Variants in ACP3 observed in about 807,000 individuals in gnomAD.
ACP3 encodes the protein prostatic acid phosphatase.
Under a neutral mutation model 45.6 loss-of-function variants are expected in ACP3, and 38 were observed. That is an observed-to-expected ratio of 0.83 (90% CI 0.64 to 1.09). The LOEUF (loss-of-function observed/expected upper bound fraction) is 1.09. Among genes scored for constraint, ACP3 ranks in the 50% least tolerant of loss-of-function variants. The pLI, the probability that ACP3 is intolerant of heterozygous loss-of-function variation, is 0.00. For missense variants in ACP3, 466 were observed against 463.2 expected (o/e 1.01, Z -0.05); for synonymous variants, 162 against 164.7 (o/e 0.98, Z 0.13).
chr3:132,354,696 C>T (rs7619407), intron 9 of ACP3, among the ~76,000 whole-genome samples: 1,633 of 152,040 alleles, frequency 0.011, 31 homozygotes, highest in African/African-American at 0.036. Context: ...ATCTTAAATA[C>T]GTAAACTTTT....
rs1937925915 is a variant in ACP3 at position 132,357,137 on chromosome 3, A to G, written c.*259A>G. 1.7e-6 allele frequency: 2 copies of G among 1,175,708 alleles called. No individual in the cohort carries two copies. Among genetic ancestry groups the G allele is most frequent in the Non-Finnish European group, 1.1e-6 (1 of 947,196 alleles). 72.8% of individuals were successfully genotyped at this position (1,175,708 alleles called of 1,614,324 possible). A position where few individuals can be genotyped will look rare whatever the true frequency, so the allele number is the denominator to read the frequency against. ...GGCAGCAGTGCCAAAATATAATCAG[A>G]GATAAAGCTTAGGTCAAAGTTCATA... On this transcript the variant is annotated 3_prime_UTR_variant, in exon 10 of 10. Coordinates refer to ENST00000336375, the MANE Select transcript of ACP3 (RefSeq NM_001099.5).
rs781004401 is a variant in ACP3, at chr3:132,356,653, A to C, written c.969-33A>C. 1.9e-6 allele frequency: 3 copies of C among 1,612,564 alleles called. 1 individual carries two copies. In the South Asian group the frequency reaches 3.3e-5, roughly 18 times the overall value. On this transcript the variant is annotated intron_variant, in intron 9 of 9. Coordinates refer to ENST00000336375, the MANE Select transcript of ACP3 (RefSeq NM_001099.5). ...AGTGGCAGTTCAACAACACAGAACTAACAGAGCTCTCTCCTCTGCCTTTGT... is the reference window on the plus strand; with the variant it reads ...AGTGGCAGTTCAACAACACAGAACTCACAGAGCTCTCTCCTCTGCCTTTGT...
In ACP3 at chr3:132,356,835, T is replaced by C. The variant is rs760650057; in HGVS notation, c.1118T>C (p.Met373Thr). Residue 373 changes from methionine to threonine, a missense_variant, in exon 10 of 10, where the codon ATG (methionine) becomes ACG (threonine). Coordinates refer to ENST00000336375, the MANE Select transcript of ACP3 (RefSeq NM_001099.5). The stretch of plus-strand genomic sequence containing the variant: ...CCTCAAGACTGGTCCACGGAGTGTA[T>C]GACCACAAACAGCCATCAAGGTACT... ...VIPQDWSTEC[M>T]TTNSHQGTED... 8.7e-6 allele frequency: 14 copies of C among 1,614,032 alleles called. No homozygotes were observed. The South Asian group carries it at 8.8e-5, about 10-fold the overall frequency.
chr3:132,347,489 T>C (rs1937622727), intron 7 of ACP3, among the ~76,000 whole-genome samples: 1 of 152,140 alleles, frequency 6.6e-6, no homozygotes, highest in Admixed American at 6.6e-5. Flanking sequence ...TGTTTTTGTG[T>C]CTGTTTTTGA....
chr3:132,325,447 C>T (rs1215975961), intron 1 of ACP3, among the ~76,000 whole-genome samples: 2 of 152,198 alleles, frequency 1.3e-5, no homozygotes, highest in Non-Finnish European at 2.9e-5. Flanking sequence ...TCAAAACACT[C>T]TGCTAAGGTG....
At position 132,357,763 on chromosome 3, in the gene ACP3, G is replaced by T. The variant is rs542530466; in HGVS notation, c.*885G>T. 5 of 984,922 alleles carry T rather than the reference G, an allele frequency of 5.1e-6. No homozygotes were observed. The highest frequency in any genetic ancestry group is 5.2e-4 in the Middle Eastern group (1 of 1,936). The allele number at this position is 984,922 out of a possible 1,614,324, so 61.0% of individuals were successfully genotyped here. On this transcript the variant is annotated 3_prime_UTR_variant, in exon 10 of 10. Transcript: ENST00000336375. ...TAAAGTTGATTTAAGGCCAGGCATG[G>T]TGGTTTACGCCTATAATCCCAGCAT...
At chr3:132,326,884 A>C (rs1042560187) in intron 1 of ACP3, among the ~76,000 whole-genome samples, 6 of 152,228 alleles carry the variant, frequency 3.9e-5, no homozygotes, top group Non-Finnish European at 8.8e-5. Context: ...TGCTGACATC[A>C]GTGTAGACTT....
intron 5 of ACP3, among the ~76,000 whole-genome samples, chr3:132,338,091 T>G (rs1937517473): frequency 6.6e-6 from 1 of 152,172 alleles, no homozygotes. Flanking sequence ...AGGTAACCAC[T>G]AGCATTATTT....
chr3:132,328,260 C>T lies in ACP3; in HGVS notation c.121-7C>T, dbSNP rs1355525861. 1 of 1,611,862 alleles carries T rather than the reference C, an allele frequency of 6.2e-7. No homozygotes were observed. The highest frequency in any genetic ancestry group is 1.3e-5 in the African/African-American group (1 of 74,858). On this transcript the variant is annotated splice_polypyrimidine_tract_variant and splice_region_variant and intron_variant, in intron 1 of 9. Transcript: ENST00000336375. ...TTGTAACATCACTCTCTCACATCTA[C>T]TTTCAGGTGTTTCGGCATGGAGACC...
chr3:132,327,467 T>C (rs955572183), intron 1 of ACP3, among the ~76,000 whole-genome samples: 13 of 149,982 alleles, frequency 8.7e-5, no homozygotes, highest in African/African-American at 2.7e-4. Flanking sequence ...CGAGCCAAGA[T>C]GGTGCCATTG....
chr3:132,367,560 A>T, intron 10 of ACP3: 1 of 646,014 alleles, frequency 1.5e-6, no homozygotes, highest in South Asian at 1.7e-5. Flanking sequence ...TGCTCTTCTT[A>T]GCACACACAT....
intron 3 of ACP3, 31 bp from the exon 4 acceptor site, chr3:132,332,161 G>A (rs754254891): frequency 1.6e-5 from 26 of 1,613,430 alleles, no homozygotes; most frequent in African/African-American, 2.7e-5. Context: ...CTCCCTTTAC[G>A]TTCGCTTCTG....
At chr3:132,344,346 T>C (rs927515174) in intron 6 of ACP3, among the ~76,000 whole-genome samples, 1 of 149,294 alleles carries the variant, frequency 6.7e-6, no homozygotes, top group African/African-American at 2.5e-5. Context: ...CTCAGGAGGC[T>C]GAGGTAGGAG....
At chr3:132,350,891 A>G (rs1259250795) in intron 8 of ACP3, among the ~76,000 whole-genome samples, 3 of 152,236 alleles carry the variant, frequency 2.0e-5, no homozygotes, top group African/African-American at 7.2e-5. Flanking sequence ...GATATGGTGT[A>G]GAAAGCTTTT....
downstream of ACP3, among the ~76,000 whole-genome samples, chr3:132,361,357 A>C (rs1938036897): frequency 6.6e-6 from 1 of 152,142 alleles, no homozygotes; most frequent in Admixed American, 6.5e-5. Flanking sequence ...GACATTGGCA[A>C]CTTGCTTTGG....
intron 4 of ACP3, chr3:132,332,574 T>C (rs146076019): frequency 7.6e-4 from 375 of 490,848 alleles, no homozygotes; most frequent in African/African-American, 6.4e-3. Flanking sequence ...TTTGCCACTC[T>C]TGCAACTCTT....
intron 3 of ACP3, 118 bp from the exon 4 acceptor site, chr3:132,332,073 CA>C: frequency 8.7e-7 from 1 of 1,147,464 alleles, no homozygotes. Context: ...GATGTTAGCA[CA>C]ATGTCTGTAA....
chr3:132,348,719 A>G (rs1937648645), intron 7 of ACP3, among the ~76,000 whole-genome samples: 1 of 152,152 alleles, frequency 6.6e-6, no homozygotes, highest in Non-Finnish European at 1.5e-5. Flanking sequence ...GACCTGTTAG[A>G]CATGTACATT....
intron 9 of ACP3, among the ~76,000 whole-genome samples, chr3:132,354,920 T>C (rs778107828): frequency 3.9e-5 from 6 of 152,256 alleles, no homozygotes; most frequent in Non-Finnish European, 7.3e-5. Context: ...TCTTTTAAAA[T>C]TGTTTCCCAG....
Sources: allele counts gnomAD v4.1 joint callset (sites outside exome capture counted in the v4.1 genomes callset), GRCh38; gene constraint gnomAD v4.1.1; transcripts MANE v1.5; gene names NCBI Gene and HGNC (gene_info 2026-07-23, HGNC 2026-07-21).